The following XIRP2 variants were observed in gnomAD, a reference collection of about 807,000 sequenced individuals.
XIRP2 encodes xin actin-binding repeat-containing protein 2.
Under a neutral mutation model 277.0 loss-of-function variants are expected in XIRP2, and 236 were observed. The ratio of observed to expected loss-of-function variants is 0.85; its 90% CI spans 0.77 to 0.95. The LOEUF (loss-of-function observed/expected upper bound fraction) is 0.95. Ranked by LOEUF, XIRP2 falls within the 40% of genes least tolerant of loss-of-function variation. XIRP2 has a pLI of 0.00. For missense variants in XIRP2, 4,640 were observed against 4,157.5 expected (o/e 1.12, Z -3.19); for synonymous variants, 1,490 against 1,416.5 (o/e 1.05, Z -1.17).
In XIRP2 at chr2:167,259,703, T is replaced by C. The variant is rs1390859389; in HGVS notation, c.*1886T>C. 4.9e-6 allele frequency: 1 copy of C among 203,736 alleles called. No individual in the cohort carries two copies. Among genetic ancestry groups the C allele is most frequent in the African/African-American group, 2.3e-5 (1 of 42,644 alleles). 12.6% of individuals were successfully genotyped at this position (203,736 alleles called of 1,614,324 possible). On this transcript the variant is annotated 3_prime_UTR_variant, in exon 11 of 11. Transcript: ENST00000409195. Reference sequence around the variant, plus strand: ...TGCTTGTCACAATTATTATAACTTCTCTGTAATTTCCTCTGAAATAAAATT... The same window carrying C: ...TGCTTGTCACAATTATTATAACTTCCCTGTAATTTCCTCTGAAATAAAATT...
chr2:167,111,135 CTT>C (rs1179987618), intron 2 of XIRP2, among the ~76,000 whole-genome samples: 10 of 152,082 alleles, frequency 6.6e-5, no homozygotes, highest in Admixed American at 6.6e-4. Context: ...AATAATTTGA[CTT>C]TGTCTCTTCC....
intron 2 of XIRP2, among the ~76,000 whole-genome samples, chr2:166,967,870 T>C (rs1462575910): frequency 6.6e-6 from 1 of 151,998 alleles, no homozygotes; most frequent in Non-Finnish European, 1.5e-5. Context: ...CTCCATCTTA[T>C]AATTCCACTC....
At chr2:166,974,479 A>T (rs1442862374) in intron 2 of XIRP2, among the ~76,000 whole-genome samples, 1 of 152,084 alleles carries the variant, frequency 6.6e-6, no homozygotes, top group African/African-American at 2.4e-5. Context: ...ACACATATAT[A>T]CATCTATCTA....
chr2:167,178,315 T>G (rs899175489), intron 3 of XIRP2, among the ~76,000 whole-genome samples: 2 of 151,764 alleles, frequency 1.3e-5, no homozygotes, highest in African/African-American at 2.4e-5. Context: ...CATATAACTA[T>G]GAAAAACACA....
chr2:167,200,585 C>T (rs535667299), intron 3 of XIRP2, among the ~76,000 whole-genome samples: 2 of 152,268 alleles, frequency 1.3e-5, no homozygotes, highest in South Asian at 2.1e-4. Context: ...CACAGATAAA[C>T]GAACACTTTA....
chr2:167,127,911 C>T lies in XIRP2; in HGVS notation c.409-7998C>T, dbSNP rs190943888. On this transcript the variant is annotated intron_variant, in intron 2 of 10. Coordinates refer to ENST00000409195, the MANE Select transcript of XIRP2 (RefSeq NM_152381.6). ...TGTTGGGGTCCCCCTGGGGGTTCAT[C>T]CAGAAGAGTGCTGCCCCAAAACTGA... 7.9e-4 allele frequency among the ~76,000 whole-genome samples: 120 copies of T among 152,306 alleles called. 3 individuals are homozygous for T. The East Asian group carries it at 0.019, about 24-fold the overall frequency.
chr2:167,085,178 T>G (rs1370114399), intron 2 of XIRP2, among the ~76,000 whole-genome samples: 13 of 151,118 alleles, frequency 8.6e-5, no homozygotes, highest in East Asian at 3.9e-4. Flanking sequence ...ACATCTTTAT[T>G]TCTGCCTTCA....
chr2:167,095,971 T>A (rs531013932), intron 2 of XIRP2, among the ~76,000 whole-genome samples: 1 of 149,012 alleles, frequency 6.7e-6, no homozygotes, highest in Non-Finnish European at 1.5e-5. Context: ...CCTCCCAGGT[T>A]CATGCCATTC....
intron 2 of XIRP2, among the ~76,000 whole-genome samples, chr2:166,994,541 CT>C: frequency 6.9e-6 from 1 of 145,324 alleles, no homozygotes; most frequent in Non-Finnish European, 1.5e-5. Flanking sequence ...GTAGGTAAGG[CT>C]TCCAATACTG....
At chr2:167,113,516 C>T (rs7587090) in intron 2 of XIRP2, among the ~76,000 whole-genome samples, 14,024 of 152,124 alleles carry the variant, frequency 0.092, 937 homozygotes, top group African/African-American at 0.19. Context: ...TCCATCCCTT[C>T]ATTTTGAGCC....
rs916460512 is a variant in XIRP2, at chr2:166,960,618, G to A, written c.408+56728G>A. Among the ~76,000 whole-genome samples, 6 of 151,758 alleles carry A rather than the reference G, an allele frequency of 4.0e-5. No individual in the cohort carries two copies. The East Asian group carries it at 1.2e-3, about 29-fold the overall frequency. ...AAATTATCCCCGATTTTAAAGCAAT[G>A]TGTATTATAAGGGGTAAACTTAGTA... On this transcript the variant is annotated intron_variant, in intron 2 of 10. Coordinates refer to ENST00000409195, the MANE Select transcript of XIRP2 (RefSeq NM_152381.6).
intron 3 of XIRP2, among the ~76,000 whole-genome samples, chr2:167,163,624 T>C (rs1692432904): frequency 6.6e-6 from 1 of 152,230 alleles, no homozygotes; most frequent in Admixed American, 6.5e-5. Context: ...CATTTATTTT[T>C]ATTAGTCTTG....
intron 2 of XIRP2, among the ~76,000 whole-genome samples, chr2:166,999,421 T>G (rs2390546): frequency 0.52 from 79,355 of 151,292 alleles, 22,791 homozygotes; most frequent in East Asian, 0.82. Flanking sequence ...AAAGGAAAAA[T>G]AAAAAAGAGC....
At chr2:167,236,769 C>A (rs10497322) in intron 5 of XIRP2, among the ~76,000 whole-genome samples, 2 of 151,978 alleles carry the variant, frequency 1.3e-5, no homozygotes, top group African/African-American at 4.8e-5. Flanking sequence ...TTTCAGCAAC[C>A]AATTTTATGA....
intron 2 of XIRP2, among the ~76,000 whole-genome samples, chr2:166,908,486 T>A (rs1354874177): frequency 6.6e-6 from 1 of 152,184 alleles, no homozygotes; most frequent in Non-Finnish European, 1.5e-5. Context: ...TGTAAGTTTG[T>A]TTGAGTTCTT....
intron 2 of XIRP2, among the ~76,000 whole-genome samples, chr2:167,087,997 TA>T (rs1315300769): frequency 6.6e-6 from 1 of 152,092 alleles, no homozygotes; most frequent in Non-Finnish European, 1.5e-5. Flanking sequence ...TAAATTTAAT[TA>T]CATAAAAGAT....
intron 3 of XIRP2, among the ~76,000 whole-genome samples, chr2:167,150,924 G>A (rs1347290360): frequency 2.0e-5 from 3 of 151,914 alleles, no homozygotes; most frequent in Non-Finnish European, 4.4e-5. Flanking sequence ...AGAAATTACT[G>A]TTATCTCAAT....
At chr2:167,256,783 T>A (rs1162756802) in intron 10 of XIRP2, among the ~76,000 whole-genome samples, 1 of 151,926 alleles carries the variant, frequency 6.6e-6, no homozygotes, top group Admixed American at 6.6e-5. Context: ...TTAGTTTTCA[T>A]ATGCTGATCA....
intron 2 of XIRP2, among the ~76,000 whole-genome samples, chr2:167,064,921 G>T (rs1223603034): frequency 1.3e-5 from 2 of 151,858 alleles, no homozygotes; most frequent in East Asian, 3.8e-4. Context: ...TGCTTGGATT[G>T]CTTCTACCTT....
Sources: allele counts gnomAD v4.1 joint callset (sites outside exome capture counted in the v4.1 genomes callset), GRCh38; gene constraint gnomAD v4.1.1; transcripts MANE v1.5; gene names NCBI Gene and HGNC (gene_info 2026-07-23, HGNC 2026-07-21).